The following AANAT variants were observed in gnomAD, a reference collection of about 807,000 sequenced individuals.
The protein encoded by AANAT is serotonin N-acetyltransferase.
Under a neutral mutation model 15.6 loss-of-function variants are expected in AANAT, and 11 were observed. The observed-to-expected ratio is 0.71, with a 90% CI of 0.44 to 1.17. AANAT has a LOEUF of 1.17. Among genes scored for constraint, AANAT ranks in the 50% most tolerant of loss-of-function variants. AANAT has a pLI of 0.00. For synonymous variants in AANAT, 139 were observed against 131.5 expected, an observed-to-expected ratio of 1.06 and a Z score of -0.39; for missense variants, 286 against 296.3, an observed-to-expected ratio of 0.97 and a Z score of 0.26.
intron 1 of AANAT, among the ~76,000 whole-genome samples, chr17:76,455,937 C>T (rs1349406293): frequency 2.0e-5 from 3 of 152,050 alleles, no homozygotes; most frequent in African/African-American, 4.8e-5. Flanking sequence ...CGCTTGAACC[C>T]GGGAGCAGGA....
At chr17:76,464,775 GCTTCTCC>G (rs2073420929), upstream of AANAT, among the ~76,000 whole-genome samples, 1 of 150,306 alleles carries the variant, frequency 6.7e-6, no homozygotes, top group African/African-American at 2.4e-5. Context: ...ACAGATGCCA[GCTTCTCC>G]CTGTCTGTAT....
chr17:76,469,295 G>A lies in AANAT; in HGVS notation c.286G>A (p.Gly96Ser), dbSNP rs557551257. Residue 96 changes from glycine (G) to serine (S), a missense_variant, in exon 3 of 4, where the codon GGC becomes AGC. Coordinates refer to ENST00000392492, the MANE Select transcript of AANAT (RefSeq NM_001088.3). This position sits in a 1 kb window ranked among gnomAD's most constrained non-coding sequence, Gnocchi z 5.2. Reference sequence around the variant, plus strand: ...GGGCTGCCTTGTGGCCTTCATCATCGGCTCGCTCTGGGACAAGGAGAGACT... The same window carrying A: ...GGGCTGCCTTGTGGCCTTCATCATCAGCTCGCTCTGGGACAAGGAGAGACT... ...EEGCLVAFII[G>S]SLWDKERLMQ... 2.7e-5 allele frequency: 44 copies of A among 1,614,104 alleles called. No homozygotes were observed. Among genetic ancestry groups the A allele is most frequent in the Non-Finnish European group, 3.5e-5 (41 of 1,180,032 alleles).
rs2073488637 is a variant in AANAT at position 76,469,428 on chromosome 17, C to T, written c.318+101C>T. On this transcript the variant is annotated intron_variant, in intron 3 of 3. Coordinates refer to ENST00000392492, the MANE Select transcript of AANAT (RefSeq NM_001088.3). The surrounding 1 kb of genome is among the most constrained non-coding windows in gnomAD (Gnocchi z 5.2). ...GCCCAGGGGCTGGGATTTCTTCCTC[C>T]AGAACTGGAGAGATGAGTACAGGCC... is the stretch of plus-strand genomic sequence containing the variant. 13 of 1,513,814 alleles carry T rather than the reference C, an allele frequency of 8.6e-6. No homozygotes were observed. Among genetic ancestry groups the T allele is most frequent in the Non-Finnish European group, 1.1e-5 (12 of 1,115,578 alleles). The allele number at this position is 1,513,814 out of a possible 1,614,324, so 93.8% of individuals were successfully genotyped here.
At chr17:76,461,627 AAAAG>A (rs2073389626) in intron 2 of AANAT, among the ~76,000 whole-genome samples, 5 of 149,982 alleles carry the variant, frequency 3.3e-5, no homozygotes, top group Admixed American at 1.3e-4. Flanking sequence ...AAAAAAAAAA[AAAAG>A]GAAGGAAGGA....
upstream of AANAT, among the ~76,000 whole-genome samples, chr17:76,466,452 T>C (rs1322519955): frequency 6.6e-6 from 1 of 152,104 alleles, no homozygotes; most frequent in Non-Finnish European, 1.5e-5. Context: ...GGTCAGGGGC[T>C]GTGTCCCAAA....
Position 76,469,834 on chromosome 17 carries a change from C to A in AANAT, c.488C>A (p.Ala163Glu). ...VRRAALMCED[A>E]LVPFYERFSF... ...CGGGCCGCGCTCATGTGCGAGGACG[C>A]GCTGGTACCCTTCTATGAGAGGTTC... is the stretch of plus-strand genomic sequence containing the variant. Residue 163 changes from alanine (A) to glutamate (E), a missense_variant, in exon 4 of 4, where the codon GCG becomes GAG. Ala to Glu is a moderately radical substitution (Grantham distance 107). Transcript: ENST00000392492. The surrounding 1 kb of genome is among the most constrained non-coding windows in gnomAD (Gnocchi z 5.2). The A allele has an allele frequency of 6.2e-7, 1 of 1,604,962 alleles. No homozygotes were observed. The highest frequency in any genetic ancestry group is 1.1e-5 in the South Asian group (1 of 89,554).
In AANAT at chr17:76,460,130, A is replaced by ATTTTT. The variant is rs556197358; in HGVS notation, c.-456+796_-456+800dup. ...CAGCCTCAGTCACCTACTTCAGGAA[A>ATTTTT]TTTTTTTTTTTTTTTTTTTTTTTTT... On this transcript the variant is annotated intron_variant, in intron 2 of 6. Coordinates refer to the AANAT transcript ENST00000250615. Among the ~76,000 whole-genome samples, 609 of 87,958 alleles carry ATTTTT rather than the reference A, an allele frequency of 6.9e-3. 105 individuals are homozygous for ATTTTT. Among genetic ancestry groups the ATTTTT allele is most frequent in the East Asian group, 0.024 (54 of 2,264 alleles). The allele number at this position is 87,958 out of a possible 152,430, so 57.7% of individuals were successfully genotyped here.
intron 1 of AANAT, among the ~76,000 whole-genome samples, chr17:76,454,251 C>T (rs965169331): frequency 2.7e-5 from 4 of 150,326 alleles, no homozygotes; most frequent in East Asian, 2.0e-4. Flanking sequence ...CTGAGGTGGG[C>T]GGATCACGAG....
At chr17:76,464,040 T>C (rs971198264), upstream of AANAT, among the ~76,000 whole-genome samples, 2 of 152,054 alleles carry the variant, frequency 1.3e-5, no homozygotes, top group African/African-American at 4.8e-5. Context: ...CAAACTGCTA[T>C]AGAATATTCT....
chr17:76,467,290 C>T (rs1248076964), upstream of AANAT, among the ~76,000 whole-genome samples: 1 of 152,186 alleles, frequency 6.6e-6, no homozygotes, highest in African/African-American at 2.4e-5. Flanking sequence ...CCCCCTCCCC[C>T]CACATAAGAG....
intron 1 of AANAT, among the ~76,000 whole-genome samples, chr17:76,457,839 A>C (rs1400181206): frequency 6.6e-6 from 1 of 152,184 alleles, no homozygotes; most frequent in Admixed American, 6.5e-5. Flanking sequence ...CAGGAGCTTG[A>C]GACCTGGCCA....
chr17:76,464,576 A>G (rs1484648023), upstream of AANAT, among the ~76,000 whole-genome samples: 2 of 152,062 alleles, frequency 1.3e-5, no homozygotes, highest in Non-Finnish European at 2.9e-5. Flanking sequence ...CTGGGCAGGG[A>G]GTCGCGGTGG....
upstream of AANAT, among the ~76,000 whole-genome samples, chr17:76,466,808 C>T (rs1472770280): frequency 1.2e-4 from 18 of 152,130 alleles, no homozygotes; most frequent in Admixed American, 9.2e-4. Context: ...AGCAGTGGCA[C>T]TCACAGGCTG....
At chr17:76,455,081 C>G (rs528911521) in intron 1 of AANAT, among the ~76,000 whole-genome samples, 2 of 152,034 alleles carry the variant, frequency 1.3e-5, no homozygotes, top group Non-Finnish European at 2.9e-5. Context: ...GAGCCTAGAT[C>G]GCGCCGCTGC....
intron 1 of AANAT, among the ~76,000 whole-genome samples, chr17:76,455,615 C>T (rs180686594): frequency 4.0e-4 from 48 of 120,294 alleles, no homozygotes; most frequent in East Asian, 9.1e-4. Flanking sequence ...CGATCATCAA[C>T]GAAAGACTAG....
chr17:76,467,902 CAA>C (rs1425917890), intron 1 of AANAT, among the ~76,000 whole-genome samples, 175 bp downstream of exon 1: 1 of 152,112 alleles, frequency 6.6e-6, no homozygotes, highest in African/African-American at 2.4e-5. Flanking sequence ...TCTTGGGAGA[CAA>C]GAGTGCCCAG....
At chr17:76,463,136 C>A (rs887821946), upstream of AANAT, among the ~76,000 whole-genome samples, 1 of 152,146 alleles carries the variant, frequency 6.6e-6, no homozygotes, top group Non-Finnish European at 1.5e-5. Context: ...GCAGCAGGCT[C>A]GGTGCCCGGG....
At chr17:76,466,100 G>A, upstream of AANAT, 1 of 1,325,582 alleles carries the variant, frequency 7.5e-7, no homozygotes, top group Non-Finnish European at 1.0e-6. Context: ...AGCAAAGAGA[G>A]AGGCCGATTG....
intron 1 of AANAT, among the ~76,000 whole-genome samples, chr17:76,457,738 A>G (rs1469854103): frequency 6.6e-6 from 1 of 152,208 alleles, no homozygotes; most frequent in East Asian, 1.9e-4. Context: ...ATGGAGCTCA[A>G]TAATGTGTCG....
Sources: gnomAD v4.1 joint callset for allele counts (sites outside exome capture counted in the v4.1 genomes callset) on GRCh38, gnomAD v4.1.1 for gene constraint, Gnocchi (gnomAD v3.1) non-coding constraint, MANE v1.5 for transcripts, NCBI Gene and HGNC (gene_info 2026-07-23, HGNC 2026-07-21) for gene names.